Variants in TRAF3IP1 observed in about 807,000 individuals in gnomAD.
The protein encoded by TRAF3IP1 is TRAF3-interacting protein 1.
A neutral mutation model predicts 89.9 loss-of-function variants in TRAF3IP1; 53 were observed. That is an observed-to-expected ratio of 0.59 (90% confidence interval 0.47 to 0.74). The LOEUF is 0.74. Ranked by LOEUF, TRAF3IP1 falls within the 30% of genes least tolerant of loss-of-function variation. The pLI, the probability that TRAF3IP1 is intolerant of heterozygous loss-of-function variation, is 0.00. For missense variants in TRAF3IP1, 806 were observed against 866.1 expected, an observed-to-expected ratio of 0.93 and a Z score of 0.87; for synonymous variants, 311 against 322.1, an observed-to-expected ratio of 0.97 and a Z score of 0.37.
chr2:238,361,017 G>A (rs895685642), intron 15 of TRAF3IP1, among the ~76,000 whole-genome samples: 3 of 151,324 alleles, frequency 2.0e-5, no homozygotes, highest in Non-Finnish European at 2.9e-5. Flanking sequence ...CCAATCTATC[G>A]CTTGTCTGAC....
At chr2:238,365,956 C>G (rs1344066172) in intron 15 of TRAF3IP1, among the ~76,000 whole-genome samples, 2 of 152,052 alleles carry the variant, frequency 1.3e-5, no homozygotes, top group African/African-American at 4.8e-5. Flanking sequence ...TATAAAAAAT[C>G]AGACACCGGC....
At position 238,396,176 on chromosome 2, in the gene TRAF3IP1, A is replaced by G. The variant is rs12996284; in HGVS notation, c.1690-1283A>G. Reference sequence around the variant, plus strand: ...TGGATTAAGAAAATGTGGCATATATACACCATGGAATACTATGCAGCCATT... The same window carrying G: ...TGGATTAAGAAAATGTGGCATATATGCACCATGGAATACTATGCAGCCATT... On this transcript the variant is annotated intron_variant, in intron 15 of 16. Coordinates refer to ENST00000373327, the MANE Select transcript of TRAF3IP1 (RefSeq NM_015650.4). 6.3e-3 allele frequency among the ~76,000 whole-genome samples: 964 copies of G among 152,250 alleles called. 4 individuals carry two copies. Among genetic ancestry groups the G allele is most frequent in the Non-Finnish European group, 0.012 (785 of 68,018 alleles).
chr2:238,325,727 C>G lies in TRAF3IP1; in HGVS notation c.193-82C>G, dbSNP rs1697792058. 6 of 1,350,804 alleles carry G rather than the reference C, an allele frequency of 4.4e-6. No homozygotes were observed. The Admixed American group carries it at 1.0e-4, about 23-fold the overall frequency. The allele number at this position is 1,350,804 out of a possible 1,614,324, so 83.7% of individuals were successfully genotyped here. ...AGCTTTGTATGTAAACAGAAACTAT[C>G]CTATGCCTGGTAAACATACAGAAGA... On this transcript the variant is annotated intron_variant, in intron 2 of 16. Transcript: ENST00000373327.
At position 238,328,695 on chromosome 2, in the gene TRAF3IP1, G is replaced by A; in HGVS notation, c.364G>A (p.Asp122Asn). 6.2e-7 allele frequency: 1 copy of A among 1,613,848 alleles called. No homozygotes were observed. Among genetic ancestry groups the A allele is most frequent in the Non-Finnish European group, 8.5e-7 (1 of 1,179,892 alleles). ...CCATTTGGACGACAAGCTCTCTAGT[G>A]ACGATGCGGTGCGGAGGGTTTTAGC... is the stretch of plus-strand genomic sequence containing the variant. ...GKCCLNKLSS[D>N]DAVRRVLAGE... The change falls in exon 4 of 17, where the codon GAC becomes AAC. Residue 122 changes from aspartate to asparagine, a missense_variant. Transcript: ENST00000373327.
intron 15 of TRAF3IP1, among the ~76,000 whole-genome samples, chr2:238,386,422 C>T (rs1302009621): frequency 2.6e-5 from 4 of 152,164 alleles, no homozygotes; most frequent in African/African-American, 4.8e-5. Context: ...AAGCGATTCT[C>T]CTGCCTCAGC....
rs767639607 is a variant in TRAF3IP1, at chr2:238,356,066, A to G, written c.1675A>G (p.Lys559Glu). 2 of 1,613,634 alleles carry G rather than the reference A, an allele frequency of 1.2e-6. No individual in the cohort carries two copies. The highest frequency in any genetic ancestry group is 8.5e-7 in the Non-Finnish European group (1 of 1,179,580). ...TTATGAGAAATTGCAGCAGTCACCC[A>G]AACCTGGGGAGAAGGTAATGGAATG... is the stretch of plus-strand genomic sequence containing the variant. ...KDYEKLQQSP[K>E]PGEKERSLFE... Residue 559 changes from lysine to glutamate, a missense_variant, in exon 15 of 17, where the codon AAA (lysine) becomes GAA (glutamate). Lys to Glu is a moderately conservative substitution (Grantham distance 56). Around this residue, in one of 3 missense-constraint regions of TRAF3IP1, gnomAD observed 732 missense variants for 780.5 expected, o/e 0.94. Transcript: ENST00000373327.
At position 238,351,171 on chromosome 2, in the gene TRAF3IP1, G is replaced by A. The variant is rs1297299893; in HGVS notation, c.1452-1656G>A. On this transcript the variant is annotated intron_variant, in intron 12 of 16. Transcript: ENST00000373327. This position sits in a 1 kb window ranked among gnomAD's most constrained non-coding sequence, Gnocchi z 5.2. ...GTGCCCCTGGGAGTGGGCGTCGAGTGTGGGAGGTGGGATCATCCCAGCAGG... is the reference window on the plus strand; with the variant it reads ...GTGCCCCTGGGAGTGGGCGTCGAGTATGGGAGGTGGGATCATCCCAGCAGG... 1.3e-5 allele frequency among the ~76,000 whole-genome samples: 2 copies of A among 152,220 alleles called. No homozygotes were observed. The highest frequency in any genetic ancestry group is 3.9e-4 in the East Asian group (2 of 5,180).
chr2:238,327,694 T>C (rs1011168103), intron 3 of TRAF3IP1, among the ~76,000 whole-genome samples: 3 of 152,126 alleles, frequency 2.0e-5, no homozygotes, highest in African/African-American at 7.2e-5. Context: ...TCCAGGACTC[T>C]TCTCCTTGCA....
chr2:238,325,269 G>A (rs754173635), intron 1 of TRAF3IP1, 37 bp from the exon 2 acceptor site: 2 of 1,607,770 alleles, frequency 1.2e-6, no homozygotes, highest in Non-Finnish European at 1.7e-6. Flanking sequence ...GAGGCTGTCT[G>A]TGAGGTGACA....
intron 13 of TRAF3IP1, 92 bp downstream of exon 13, chr2:238,353,042 T>C: frequency 1.3e-6 from 2 of 1,528,736 alleles, no homozygotes; most frequent in Non-Finnish European, 1.8e-6. Context: ...TAGACAAAAA[T>C]GTCCTGTAAT....
At chr2:238,354,517 A>G (rs1699315154) in intron 14 of TRAF3IP1, among the ~76,000 whole-genome samples, 1 of 152,242 alleles carries the variant, frequency 6.6e-6, no homozygotes, top group African/African-American at 2.4e-5. Flanking sequence ...TCCCAGCAGC[A>G]GCGGCTGTCC....
chr2:238,336,121 C>T (rs1189328912), intron 7 of TRAF3IP1, among the ~76,000 whole-genome samples: 1 of 152,114 alleles, frequency 6.6e-6, no homozygotes, highest in Non-Finnish European at 1.5e-5. Context: ...AGTAGTTCTT[C>T]TGTTGATTCT....
At chr2:238,349,108 A>G (rs1260165046) in intron 11 of TRAF3IP1, among the ~76,000 whole-genome samples, 1 of 152,154 alleles carries the variant, frequency 6.6e-6, no homozygotes, top group African/African-American at 2.4e-5. Context: ...AGTTGTTGGT[A>G]TTTTGAAATT....
chr2:238,395,972 G>A (rs1448812100), intron 15 of TRAF3IP1, among the ~76,000 whole-genome samples: 6 of 152,254 alleles, frequency 3.9e-5, no homozygotes, highest in Non-Finnish European at 7.4e-5. Context: ...TCAGTGTGGC[G>A]ATTCCTCAGG....
At chr2:238,344,851 TGGG>T in intron 9 of TRAF3IP1, 1 of 619,414 alleles carries the variant, frequency 1.6e-6, no homozygotes, top group East Asian at 3.3e-5. Flanking sequence ...TTTCATCACT[TGGG>T]GGGTGTCATG....
chr2:238,325,432 G>T, intron 2 of TRAF3IP1, 58 bp downstream of exon 2: 2 of 1,552,636 alleles, frequency 1.3e-6, no homozygotes, highest in Non-Finnish European at 1.8e-6. Context: ...GGGATTTTTT[G>T]TAGGCCTGGT....
chr2:238,329,222 G>C lies in TRAF3IP1; in HGVS notation c.795G>C (p.Arg265Ser), dbSNP rs1357160162. 6.4e-7 allele frequency: 1 copy of C among 1,555,786 alleles called. No individual in the cohort carries two copies. The highest frequency in any genetic ancestry group is 1.4e-5 in the African/African-American group (1 of 72,200). The change falls in exon 5 of 17, where the codon AGG becomes AGC. Residue 265 changes from arginine to serine, a missense_variant. Transcript: ENST00000373327. ...AAGAGAAGGAGAGACTGAGAGACAG[G>C]GACCGAGAGCGCGACCGGGACAAAG... is the stretch of plus-strand genomic sequence containing the variant. Reference protein sequence around the residue: ...GGKEKERLRDRDRERDRDKGK... With the variant: ...GGKEKERLRDSDRERDRDKGK...
intron 15 of TRAF3IP1, among the ~76,000 whole-genome samples, chr2:238,356,531 A>G (rs1212974565): frequency 3.3e-5 from 5 of 151,640 alleles, no homozygotes; most frequent in Non-Finnish European, 7.4e-5. Context: ...CCCTCCTCCC[A>G]GTTGGGAGGA....
chr2:238,375,346 T>C (rs900530522), intron 15 of TRAF3IP1, among the ~76,000 whole-genome samples: 2 of 152,240 alleles, frequency 1.3e-5, no homozygotes, highest in Non-Finnish European at 2.9e-5. Flanking sequence ...TTCTCATTGG[T>C]TTCAAAGAAC....
Sources: allele counts gnomAD v4.1 joint callset (sites outside exome capture counted in the v4.1 genomes callset), GRCh38; gene constraint gnomAD v4.1.1; regional missense constraint gnomAD v4.1.1; non-coding constraint Gnocchi (gnomAD v3.1); transcripts MANE v1.5; gene names NCBI Gene and HGNC (gene_info 2026-07-23, HGNC 2026-07-21).